Variants in IGF2R observed in about 807,000 individuals in gnomAD.
IGF2R encodes the protein cation-independent mannose-6-phosphate receptor.
In IGF2R, 91 loss-of-function variants were observed where a neutral mutation model predicts 270.6. The ratio of observed to expected loss-of-function variants is 0.34; its 90% CI spans 0.28 to 0.40. IGF2R has a LOEUF of 0.40. Among genes scored for constraint, IGF2R ranks in the 10% least tolerant of loss-of-function variants. IGF2R has a pLI of 1.00. For synonymous variants in IGF2R, 1,316 were observed against 1,258.9 expected (o/e 1.05, Z -0.96); for missense variants, 2,805 against 3,188.3 (o/e 0.88, Z 2.90).
At chr6:160,038,630 G>A (rs1338455146) in intron 10 of IGF2R, among the ~76,000 whole-genome samples, 1 of 152,116 alleles carries the variant, frequency 6.6e-6, no homozygotes, top group South Asian at 2.1e-4. Flanking sequence ...CCTTGTGGGC[G>A]GGATGAAGAG....
At chr6:160,092,639 A>G (rs193225263) in intron 44 of IGF2R, among the ~76,000 whole-genome samples, 1 of 152,188 alleles carries the variant, frequency 6.6e-6, no homozygotes, top group African/African-American at 2.4e-5. Flanking sequence ...GCTGTCTCTC[A>G]TCAGGACGTG....
rs573977547 is a variant in IGF2R, at chr6:160,107,623, C to T, written c.*2539C>T. 2.0e-5 allele frequency: 3 copies of T among 152,184 alleles called. No individual in the cohort carries two copies. The highest frequency in any genetic ancestry group is 7.2e-5 in the African/African-American group (3 of 41,508). 9.4% of individuals were successfully genotyped at this position (152,184 alleles called of 1,614,324 possible). On this transcript the variant is annotated 3_prime_UTR_variant, in exon 48 of 48. Coordinates refer to ENST00000356956, the MANE Select transcript of IGF2R (RefSeq NM_000876.4). Reference sequence around the variant, plus strand: ...TTTGTGCCCCTTTCTTGAGACTGTCCATGAATGACAGAGACATAGAATAAG... The same window carrying T: ...TTTGTGCCCCTTTCTTGAGACTGTCTATGAATGACAGAGACATAGAATAAG...
intron 1 of IGF2R, among the ~76,000 whole-genome samples, chr6:159,984,645 G>A (rs1370801331): frequency 6.6e-6 from 1 of 152,192 alleles, no homozygotes; most frequent in Non-Finnish European, 1.5e-5. Context: ...TATAGCCTAG[G>A]TTTGTAGTAG....
Position 160,040,429 on chromosome 6 carries a change from A to G in IGF2R, c.1316-131A>G. On this transcript the variant is annotated intron_variant, in intron 10 of 47. Coordinates refer to ENST00000356956, the MANE Select transcript of IGF2R (RefSeq NM_000876.4). ...GTCAACTCAGATCCCCATGGTCTCT[A>G]AAAAAACCTGGACCTGAATTTTTTA... 4 of 699,182 alleles carry G rather than the reference A, an allele frequency of 5.7e-6. No homozygotes were observed. In the East Asian group the frequency reaches 1.0e-4, roughly 18 times the overall value. The allele number at this position is 699,182 out of a possible 1,614,324, so 43.3% of individuals were successfully genotyped here.
At chr6:160,076,124 A>C (rs1339799349) in intron 36 of IGF2R, 128 bp downstream of exon 36, 1 of 885,972 alleles carries the variant, frequency 1.1e-6, no homozygotes, top group Non-Finnish European at 1.8e-6. Flanking sequence ...GTAAGATGGT[A>C]CGCTAGTAGT....
At chr6:160,022,376 C>T (rs1777458227) in intron 4 of IGF2R, among the ~76,000 whole-genome samples, 1 of 152,168 alleles carries the variant, frequency 6.6e-6, no homozygotes, top group Non-Finnish European at 1.5e-5. Context: ...CAACTGCACT[C>T]GGTCCTCCTA....
At chr6:160,001,951 C>T (rs1353712363) in intron 2 of IGF2R, among the ~76,000 whole-genome samples, 2 of 152,220 alleles carry the variant, frequency 1.3e-5, no homozygotes, top group Non-Finnish European at 2.9e-5. Flanking sequence ...TTTAACATTT[C>T]ACTCCCTCTA....
Position 160,084,213 on chromosome 6 carries a change from G to A in IGF2R, c.6068+29G>A, listed in dbSNP as rs371867832. 34 of 1,363,000 alleles carry A rather than the reference G, an allele frequency of 2.5e-5. No homozygotes were observed. Among genetic ancestry groups the A allele is most frequent in the Middle Eastern group, 1.9e-4 (1 of 5,292 alleles). 84.4% of individuals were successfully genotyped at this position (1,363,000 alleles called of 1,614,324 possible). On this transcript the variant is annotated intron_variant, in intron 40 of 47. Coordinates refer to ENST00000356956, the MANE Select transcript of IGF2R (RefSeq NM_000876.4). The surrounding 1 kb of genome is among the most constrained non-coding windows in gnomAD (Gnocchi z 4.6). ...AGTGCCTTCCCAGTCCACCCGCGGCGCCACACCCTCAGCATGTGAACTTCA... is the reference window on the plus strand; with the variant it reads ...AGTGCCTTCCCAGTCCACCCGCGGCACCACACCCTCAGCATGTGAACTTCA...
intron 7 of IGF2R, among the ~76,000 whole-genome samples, chr6:160,030,256 A>G (rs1777665647): frequency 6.6e-6 from 1 of 152,140 alleles, no homozygotes; most frequent in Admixed American, 6.5e-5. Flanking sequence ...GCAGGTGCTG[A>G]TGGAAAGGAG....
At chr6:160,065,808 GTGTGTGTA>G (rs1005470689) in intron 29 of IGF2R, among the ~76,000 whole-genome samples, 4 of 55,142 alleles carry the variant, frequency 7.3e-5, no homozygotes, top group African/African-American at 1.8e-4. Context: ...GTGTGTGTGT[GTGTGTGTA>G]TATATATATA....
At chr6:160,045,353 G>A (rs1435251897) in intron 13 of IGF2R, among the ~76,000 whole-genome samples, 5 of 152,072 alleles carry the variant, frequency 3.3e-5, no homozygotes, top group South Asian at 2.1e-4. Context: ...GGGTCATTTT[G>A]TTTGTTTGTT....
Position 160,106,095 on chromosome 6 carries a change from C to T in IGF2R, c.*1011C>T, listed in dbSNP as rs896349201. 3 of 152,604 alleles carry T rather than the reference C, an allele frequency of 2.0e-5. No homozygotes were observed. Among genetic ancestry groups the T allele is most frequent in the African/African-American group, 7.2e-5 (3 of 41,424 alleles). The allele number at this position is 152,604 out of a possible 1,614,324, so 9.5% of individuals were successfully genotyped here. A position where few individuals can be genotyped will look rare whatever the true frequency, so the allele number is the denominator to read the frequency against. ...GACCTATAAGAAGCCTTAATTTGCA[C>T]AGTGTGTGACTTACAGAAACTGCAT... is the stretch of plus-strand genomic sequence containing the variant. On this transcript the variant is annotated 3_prime_UTR_variant, in exon 48 of 48. Coordinates refer to ENST00000356956, the MANE Select transcript of IGF2R (RefSeq NM_000876.4).
chr6:160,073,277 C>T lies in IGF2R; in HGVS notation c.4755C>T (p.Asp1585=), dbSNP rs1303285011. The change falls in exon 34 of 48, where the codon GAC becomes GAT. Residue 1585 remains aspartate, a synonymous_variant. Coordinates refer to ENST00000356956, the MANE Select transcript of IGF2R (RefSeq NM_000876.4). ...CCAACAAGAGGCTGAGATACGTGGA[C>T]CAGGTCCTGCAGCTGGTGTACAAGG... ...GKANKRLRYV[D]QVLQLVYKDG... 2 of 1,614,230 alleles carry T rather than the reference C, an allele frequency of 1.2e-6. No homozygotes were observed. Among genetic ancestry groups the T allele is most frequent in the Admixed American group, 1.7e-5 (1 of 60,020 alleles).
At chr6:159,984,749 A>G (rs1783856504) in intron 1 of IGF2R, among the ~76,000 whole-genome samples, 1 of 152,172 alleles carries the variant, frequency 6.6e-6, no homozygotes, top group Non-Finnish European at 1.5e-5. Context: ...TATCGCCATT[A>G]AGTGAGTGAC....
Position 159,980,222 on chromosome 6 carries a change from A to G in IGF2R, c.149+10827A>G, listed in dbSNP as rs201054147. 2.0e-3 allele frequency among the ~76,000 whole-genome samples: 189 copies of G among 92,956 alleles called. 5 individuals carry two copies. The highest frequency in any genetic ancestry group is 7.8e-3 in the East Asian group (13 of 1,662). 61.0% of individuals were successfully genotyped at this position (92,956 alleles called of 152,430 possible). A position where few individuals can be genotyped will look rare whatever the true frequency, so the allele number is the denominator to read the frequency against. ...AAGAAAGAAAGAAAGAAAGAAAGAAAGAAAGAAAGAAAGAAAGGTACATGG... is the reference window on the plus strand; with the variant it reads ...AAGAAAGAAAGAAAGAAAGAAAGAAGGAAAGAAAGAAAGAAAGGTACATGG... On this transcript the variant is annotated intron_variant, in intron 1 of 47. Transcript: ENST00000356956.
chr6:160,110,124 C>T lies in IGF2R; in HGVS notation c.*5040C>T, dbSNP rs575185380. 3 of 152,304 alleles carry T rather than the reference C, an allele frequency of 2.0e-5. No homozygotes were observed. The highest frequency in any genetic ancestry group is 4.4e-5 in the Non-Finnish European group (3 of 68,028). 9.4% of individuals were successfully genotyped at this position (152,304 alleles called of 1,614,324 possible). ...CACGTGAAATCACAATAGAAAATGGCCAGCAGGCCTCCAGGTAGGCAGCAA... is the reference window on the plus strand; with the variant it reads ...CACGTGAAATCACAATAGAAAATGGTCAGCAGGCCTCCAGGTAGGCAGCAA... On this transcript the variant is annotated 3_prime_UTR_variant, in exon 48 of 48. Coordinates refer to ENST00000356956, the MANE Select transcript of IGF2R (RefSeq NM_000876.4).
chr6:160,014,356 C>G (rs1320333554), intron 4 of IGF2R, among the ~76,000 whole-genome samples: 1 of 152,214 alleles, frequency 6.6e-6, no homozygotes, highest in African/African-American at 2.4e-5. Flanking sequence ...ATGAATGTCT[C>G]CATTGCTGTG....
chr6:160,035,689 C>T (rs1469935304), intron 10 of IGF2R, among the ~76,000 whole-genome samples: 2 of 152,222 alleles, frequency 1.3e-5, no homozygotes, highest in Admixed American at 6.5e-5. Flanking sequence ...TGCTTAGGCC[C>T]TATGAGGCTG....
chr6:160,034,337 C>G, intron 9 of IGF2R, 82 bp from the exon 10 acceptor site: 5 of 860,636 alleles, frequency 5.8e-6, no homozygotes, highest in Non-Finnish European at 9.8e-6. Flanking sequence ...ACGCAAAAGG[C>G]TTAATGTAGA....
Sources: allele counts gnomAD v4.1 joint callset (sites outside exome capture counted in the v4.1 genomes callset), GRCh38; gene constraint gnomAD v4.1.1; non-coding constraint Gnocchi (gnomAD v3.1); transcripts MANE v1.5; gene names NCBI Gene and HGNC (gene_info 2026-07-23, HGNC 2026-07-21).